Variants in DNM3 observed in about 807,000 individuals in gnomAD.
DNM3 encodes dynamin-3.
DNM3 carries 47 observed loss-of-function variants against 101.6 expected under a neutral mutation model. The observed-to-expected ratio is 0.46, with a 90% CI of 0.37 to 0.59. The LOEUF is 0.59. DNM3 is among the 20% of genes least tolerant of loss of function. DNM3 has a pLI of 0.00. For missense variants in DNM3, 849 were observed against 1,085.7 expected, an observed-to-expected ratio of 0.78 and a Z score of 3.06; for synonymous variants, 385 against 387.9, an observed-to-expected ratio of 0.99 and a Z score of 0.09.
intron 17 of DNM3, among the ~76,000 whole-genome samples, chr1:172,361,159 G>A (rs1045391925): frequency 1.3e-5 from 2 of 151,908 alleles, no homozygotes; most frequent in South Asian, 2.1e-4. Context: ...ACTTGTTCTC[G>A]TTTCACTGGG....
chr1:172,242,020 C>T (rs1230995008), intron 14 of DNM3, among the ~76,000 whole-genome samples: 1 of 152,128 alleles, frequency 6.6e-6, no homozygotes, highest in East Asian at 1.9e-4. Context: ...AGATTCTGTG[C>T]CATTCAGTTG....
chr1:172,194,773 T>G lies in DNM3; in HGVS notation c.1660-58800T>G, dbSNP rs990661710. ...CGTGTGTCTCTGCATGTAAGATGAG[T>G]CTCCTGAATACAGCACACTGATGGG... On this transcript the variant is annotated intron_variant, in intron 14 of 20. Transcript: ENST00000627582. 5.3e-5 allele frequency among the ~76,000 whole-genome samples: 8 copies of G among 152,086 alleles called. No homozygotes were observed. The South Asian group carries it at 1.2e-3, about 24-fold the overall frequency.
At chr1:172,252,045 C>T (rs1310729866) in intron 14 of DNM3, among the ~76,000 whole-genome samples, 12 of 151,994 alleles carry the variant, frequency 7.9e-5, no homozygotes, top group Admixed American at 7.9e-4. Flanking sequence ...ATATTCTTAA[C>T]TTTTGTTGTA....
At chr1:172,099,530 C>A (rs554824912) in intron 13 of DNM3, among the ~76,000 whole-genome samples, 1 of 149,822 alleles carries the variant, frequency 6.7e-6, no homozygotes, top group Non-Finnish European at 1.5e-5. Flanking sequence ...CACCTAGCTG[C>A]GTGGGAAATA....
chr1:172,184,207 C>T (rs1460756915), intron 14 of DNM3, among the ~76,000 whole-genome samples: 1 of 152,096 alleles, frequency 6.6e-6, no homozygotes, highest in African/African-American at 2.4e-5. Flanking sequence ...CAAACAATCC[C>T]AGACACACTG....
At chr1:171,944,161 T>C (rs960518605) in intron 2 of DNM3, among the ~76,000 whole-genome samples, 2 of 152,074 alleles carry the variant, frequency 1.3e-5, no homozygotes, top group African/African-American at 4.8e-5. Flanking sequence ...ATAAACTTAA[T>C]GGTCTCTGAT....
chr1:171,942,374 T>C lies in DNM3; in HGVS notation c.235+20553T>C, dbSNP rs555465106. On this transcript the variant is annotated intron_variant, in intron 2 of 20. Coordinates refer to ENST00000627582, the MANE Select transcript of DNM3 (RefSeq NM_015569.5). Reference sequence around the variant, plus strand: ...TGCTGAAATGAAAGTTGTAGAGATATACAGCAAACTTTTATGTAAGGAAAT... The same window carrying C: ...TGCTGAAATGAAAGTTGTAGAGATACACAGCAAACTTTTATGTAAGGAAAT... 2.9e-3 allele frequency among the ~76,000 whole-genome samples: 445 copies of C among 152,176 alleles called. 3 individuals are homozygous for C. Among genetic ancestry groups the C allele is most frequent in the African/African-American group, 0.01 (418 of 41,530 alleles).
At chr1:171,890,333 A>G (rs113256266) in intron 1 of DNM3, among the ~76,000 whole-genome samples, 9 of 152,330 alleles carry the variant, frequency 5.9e-5, no homozygotes, top group African/African-American at 2.2e-4. Flanking sequence ...ATATAGAAGT[A>G]GCATTTCTGG....
chr1:172,153,808 G>A (rs908396115), intron 14 of DNM3, among the ~76,000 whole-genome samples: 9 of 152,064 alleles, frequency 5.9e-5, no homozygotes, highest in African/African-American at 2.2e-4. Flanking sequence ...ATACTTCCAT[G>A]TGGCCTTTAA....
At chr1:172,364,458 C>T (rs920327865) in intron 17 of DNM3, among the ~76,000 whole-genome samples, 3 of 151,830 alleles carry the variant, frequency 2.0e-5, no homozygotes, top group South Asian at 2.1e-4. Flanking sequence ...TGGAAGAGCA[C>T]ATTAAATGAT....
chr1:172,065,411 A>G (rs981849843), intron 10 of DNM3, among the ~76,000 whole-genome samples: 1 of 152,140 alleles, frequency 6.6e-6, no homozygotes, highest in African/African-American at 2.4e-5. Flanking sequence ...TTGGTGACCT[A>G]GGGCAGGCTA....
At position 172,258,306 on chromosome 1, in the gene DNM3, G is replaced by A. The variant is rs977094408; in HGVS notation, c.1769+4624G>A. Among the ~76,000 whole-genome samples, 16 of 151,872 alleles carry A rather than the reference G, an allele frequency of 1.1e-4. 1 individual carries two copies. The highest frequency in any genetic ancestry group is 1.9e-4 in the Non-Finnish European group (13 of 67,948). On this transcript the variant is annotated intron_variant, in intron 15 of 20. Coordinates refer to ENST00000627582, the MANE Select transcript of DNM3 (RefSeq NM_015569.5). Reference sequence around the variant, plus strand: ...TTTCTTTGACTGAATACCCAGTAACGAAGTAGTTCTAGTTTTAGTATTTTT... The same window carrying A: ...TTTCTTTGACTGAATACCCAGTAACAAAGTAGTTCTAGTTTTAGTATTTTT...
At chr1:172,173,442 A>G (rs1239128955) in intron 14 of DNM3, among the ~76,000 whole-genome samples, 1 of 151,620 alleles carries the variant, frequency 6.6e-6, no homozygotes, top group African/African-American at 2.4e-5. Context: ...TAAGTCATTC[A>G]GGTGAAGACA....
intron 1 of DNM3, among the ~76,000 whole-genome samples, chr1:171,899,061 C>CCTAG (rs2038073134): frequency 6.6e-6 from 1 of 152,196 alleles, no homozygotes; most frequent in African/African-American, 2.4e-5. Flanking sequence ...CGGACGCTTG[C>CCTAG]CTAGCTGGGC....
chr1:172,390,983 G>T (rs895998602), intron 20 of DNM3, among the ~76,000 whole-genome samples: 5 of 152,264 alleles, frequency 3.3e-5, no homozygotes, highest in Admixed American at 3.3e-4. Flanking sequence ...ATCAACTTTT[G>T]AATGCTAAGC....
At chr1:172,304,205 G>GAAAAAAAA (rs1573379110) in intron 15 of DNM3, among the ~76,000 whole-genome samples, 2 of 44,252 alleles carry the variant, frequency 4.5e-5, no homozygotes, top group African/African-American at 3.3e-4. Context: ...CAAAAGGAAA[G>GAAAAAAAA]CAAAAAAAAA....
chr1:172,067,483 G>A (rs570950870), intron 10 of DNM3, among the ~76,000 whole-genome samples: 1 of 152,158 alleles, frequency 6.6e-6, no homozygotes, highest in South Asian at 2.1e-4. Flanking sequence ...AGCTTTGTCT[G>A]AGGATCATAC....
chr1:172,355,876 A>G (rs772942020), intron 17 of DNM3, among the ~76,000 whole-genome samples: 4 of 152,120 alleles, frequency 2.6e-5, no homozygotes, highest in Non-Finnish European at 5.9e-5. Flanking sequence ...ATGAATTCTA[A>G]GATCTAGGAA....
chr1:172,179,985 C>CATATTTGTAACATATTTGTAACATATT (rs1429186534), intron 14 of DNM3, among the ~76,000 whole-genome samples: 44 of 152,032 alleles, frequency 2.9e-4, no homozygotes, highest in Admixed American at 1.4e-3. Flanking sequence ...CTAATTGTAT[C>CATATTTGTAACATATTTGTAACATATT]TGTAAATATG....
Sources: gnomAD v4.1 joint callset for allele counts (sites outside exome capture counted in the v4.1 genomes callset) on GRCh38, gnomAD v4.1.1 for gene constraint, MANE v1.5 for transcripts, NCBI Gene and HGNC (gene_info 2026-07-23, HGNC 2026-07-21) for gene names.